The following LPAR1 variants were observed in gnomAD, a reference collection of about 807,000 sequenced individuals.
The protein encoded by LPAR1 is LPA receptor 1.
A neutral mutation model predicts 23.8 loss-of-function variants in LPAR1; 5 were observed. That is an observed-to-expected ratio of 0.21 (90% CI 0.11 to 0.44). The LOEUF (loss-of-function observed/expected upper bound fraction) is 0.44, where lower values mean the gene tolerates loss of function less well. Ranked by LOEUF, LPAR1 falls within the 20% of genes least tolerant of loss-of-function variation. The pLI, the probability that LPAR1 is intolerant of heterozygous loss-of-function variation, is 0.99. For missense variants in LPAR1, 311 were observed against 482.8 expected (o/e 0.64, Z 3.33); for synonymous variants, 160 against 164.7 (o/e 0.97, Z 0.22).
chr9:110,888,768 G>A (rs905663267), intron 5 of LPAR1, among the ~76,000 whole-genome samples: 25 of 152,272 alleles, frequency 1.6e-4, no homozygotes, highest in African/African-American at 3.4e-4. Flanking sequence ...CTTTGAATAT[G>A]GGAAGGTGGA....
chr9:110,964,562 T>C (rs1393797821), intron 4 of LPAR1, among the ~76,000 whole-genome samples: 1 of 152,196 alleles, frequency 6.6e-6, no homozygotes, highest in African/African-American at 2.4e-5. Context: ...CAAAATGTTA[T>C]TACTGAATCT....
intron 2 of LPAR1, among the ~76,000 whole-genome samples, chr9:111,015,418 T>C (rs557752049): frequency 5.9e-5 from 9 of 152,290 alleles, no homozygotes; most frequent in African/African-American, 2.2e-4. Context: ...AACCCACTGT[T>C]ACTGCCTTAA....
At chr9:110,909,709 T>G (rs953028832) in intron 5 of LPAR1, among the ~76,000 whole-genome samples, 3 of 151,512 alleles carry the variant, frequency 2.0e-5, no homozygotes, top group Non-Finnish European at 4.4e-5. Flanking sequence ...CTTTTTGTTT[T>G]GCTTCATTTA....
intron 5 of LPAR1, among the ~76,000 whole-genome samples, chr9:110,900,934 T>C (rs879353506): frequency 6.6e-6 from 1 of 152,224 alleles, no homozygotes; most frequent in Non-Finnish European, 1.5e-5. Flanking sequence ...AGTTACAGAA[T>C]ACTTAGTGAC....
intron 4 of LPAR1, among the ~76,000 whole-genome samples, chr9:110,944,314 C>T (rs1387694700): frequency 1.3e-5 from 2 of 152,156 alleles, no homozygotes; most frequent in Non-Finnish European, 2.9e-5. Context: ...TTCTAGCTTG[C>T]TTATTCATTG....
intron 2 of LPAR1, among the ~76,000 whole-genome samples, chr9:110,994,742 T>A (rs2096963082): frequency 6.6e-6 from 1 of 152,168 alleles, no homozygotes; most frequent in African/African-American, 2.4e-5. Flanking sequence ...GTGTCACTAC[T>A]AACCATAAGA....
chr9:110,961,794 C>G (rs1052486727), intron 4 of LPAR1, among the ~76,000 whole-genome samples: 1 of 152,006 alleles, frequency 6.6e-6, no homozygotes, highest in Non-Finnish European at 1.5e-5. Context: ...ATAAAACCAT[C>G]AGATCTCATG....
At position 110,894,499 on chromosome 9, in the gene LPAR1, C is replaced by T. The variant is rs150268689; in HGVS notation, c.794-18777G>A. Among the ~76,000 whole-genome samples the T allele has an allele frequency of 1.2e-4, 19 of 152,268 alleles. 1 individual carries two copies. In the East Asian group the frequency reaches 3.3e-3, roughly 26 times the overall value. On this transcript the variant is annotated intron_variant, in intron 5 of 5. Coordinates refer to ENST00000683809, the MANE Select transcript of LPAR1 (RefSeq NM_001351411.2). ...CTTTCCTTTCCTTCTTCAGTGAATA[C>T]GCAAAGGATAAGCCTCCAAGAAATG...
At chr9:110,889,178 G>A (rs983625351) in intron 5 of LPAR1, among the ~76,000 whole-genome samples, 3 of 152,118 alleles carry the variant, frequency 2.0e-5, no homozygotes, top group Non-Finnish European at 2.9e-5. Flanking sequence ...TGGCTAACAA[G>A]GTGAAACCCT....
intron 4 of LPAR1, among the ~76,000 whole-genome samples, chr9:110,950,525 ATAATC>A (rs1426100817): frequency 2.0e-5 from 3 of 152,002 alleles, no homozygotes; most frequent in Non-Finnish European, 4.4e-5. Flanking sequence ...CACACATAAT[ATAATC>A]AGTTACACAG....
chr9:111,024,260 C>T (rs1043548083), intron 2 of LPAR1, among the ~76,000 whole-genome samples: 3 of 151,700 alleles, frequency 2.0e-5, no homozygotes, highest in African/African-American at 7.3e-5. Flanking sequence ...CCGTACAAAA[C>T]TACCATTTTA....
intron 2 of LPAR1, among the ~76,000 whole-genome samples, chr9:110,974,659 C>T (rs1411093285): frequency 6.6e-6 from 1 of 152,198 alleles, no homozygotes; most frequent in Non-Finnish European, 1.5e-5. Flanking sequence ...GTTATCTTGT[C>T]ATGACATTCA....
At chr9:110,966,313 T>C (rs2096220226) in intron 4 of LPAR1, among the ~76,000 whole-genome samples, 1 of 151,996 alleles carries the variant, frequency 6.6e-6, no homozygotes, top group Non-Finnish European at 1.5e-5. Context: ...ACCCCATCTC[T>C]ACTAAAAATA....
chr9:110,878,408 T>C (rs1278560378), intron 5 of LPAR1, among the ~76,000 whole-genome samples: 1 of 152,088 alleles, frequency 6.6e-6, no homozygotes, highest in Non-Finnish European at 1.5e-5. Flanking sequence ...TGAATGGATA[T>C]TCTGAAATAA....
intron 2 of LPAR1, among the ~76,000 whole-genome samples, chr9:110,994,378 A>G (rs1363092655): frequency 2.0e-5 from 3 of 152,212 alleles, no homozygotes; most frequent in Non-Finnish European, 4.4e-5. Context: ...ATCCTTCACT[A>G]TCAAGGATAT....
Position 110,944,247 on chromosome 9 carries a change from C to T in LPAR1, c.46-2079G>A, listed in dbSNP as rs76924598. ...CCAGGGAATCACTGTATCATAATTG[C>T]TTAATTATCTGTTGATCCCCTCTAC... On this transcript the variant is annotated intron_variant, in intron 4 of 5. Coordinates refer to ENST00000683809, the MANE Select transcript of LPAR1 (RefSeq NM_001351411.2). Among the ~76,000 whole-genome samples, 1,035 of 152,284 alleles carry T rather than the reference C, an allele frequency of 6.8e-3. 15 individuals are homozygous for T. Among genetic ancestry groups the T allele is most frequent in the African/African-American group, 0.024 (986 of 41,560 alleles).
intron 4 of LPAR1, among the ~76,000 whole-genome samples, chr9:110,944,613 C>T (rs565847637): frequency 6.6e-6 from 1 of 152,178 alleles, no homozygotes; most frequent in African/African-American, 2.4e-5. Context: ...GAGATATATG[C>T]AGCTTCTTAG....
intron 5 of LPAR1, among the ~76,000 whole-genome samples, chr9:110,919,094 T>A (rs939254220): frequency 2.6e-5 from 4 of 152,152 alleles, no homozygotes; most frequent in African/African-American, 9.7e-5. Context: ...GGGTTTTGCA[T>A]ATGTAATTAA....
intron 5 of LPAR1, among the ~76,000 whole-genome samples, chr9:110,937,681 A>G (rs1588428746): frequency 6.6e-6 from 1 of 152,186 alleles, no homozygotes. Flanking sequence ...ATGCTTAAAA[A>G]CCAGCCATTG....
Sources: allele counts gnomAD v4.1 joint callset (sites outside exome capture counted in the v4.1 genomes callset), GRCh38; gene constraint gnomAD v4.1.1; transcripts MANE v1.5; gene names NCBI Gene and HGNC (gene_info 2026-07-23, HGNC 2026-07-21).